BRINP3: variants seen among roughly 807,000 people sequenced by gnomAD.
The protein encoded by BRINP3 is BMP/retinoic acid-inducible neural-specific protein 3.
A neutral mutation model predicts 71.0 loss-of-function variants in BRINP3; 19 were observed. That is an observed-to-expected ratio of 0.27 (90% CI 0.19 to 0.39). The LOEUF is 0.39. BRINP3 is among the 10% of genes least tolerant of loss of function. The pLI is 1.00. For missense variants in BRINP3, 959 were observed against 940.8 expected, an observed-to-expected ratio of 1.02 and a Z score of -0.25; for synonymous variants, 380 against 337.7, an observed-to-expected ratio of 1.13 and a Z score of -1.37.
At chr1:190,473,764 T>A (rs955465511) in intron 1 of BRINP3, among the ~76,000 whole-genome samples, 3 of 122,438 alleles carry the variant, frequency 2.5e-5, no homozygotes, top group African/African-American at 8.6e-5. Flanking sequence ...AGAAAACCCA[T>A]AATTTTCTAT....
intron 2 of BRINP3, among the ~76,000 whole-genome samples, chr1:190,365,097 T>C (rs1669395673): frequency 6.6e-6 from 1 of 152,144 alleles, no homozygotes; most frequent in Admixed American, 6.6e-5. Context: ...CATTAAAAGA[T>C]ACTAACTACA....
At chr1:190,121,756 G>T (rs1653681062) in intron 7 of BRINP3, among the ~76,000 whole-genome samples, 2 of 151,998 alleles carry the variant, frequency 1.3e-5, no homozygotes, top group South Asian at 4.1e-4. Context: ...AGAAAAGAAA[G>T]CAGAGCTATT....
At chr1:190,399,142 C>T (rs1464610593) in intron 2 of BRINP3, among the ~76,000 whole-genome samples, 3 of 151,886 alleles carry the variant, frequency 2.0e-5, no homozygotes, top group Non-Finnish European at 2.9e-5. Flanking sequence ...ACAATATAAA[C>T]TAAATTCTAT....
At chr1:190,182,726 C>G (rs61690707) in intron 6 of BRINP3, among the ~76,000 whole-genome samples, 1 of 152,152 alleles carries the variant, frequency 6.6e-6, no homozygotes, top group African/African-American at 2.4e-5. Context: ...CTAGGCACAT[C>G]AGATAATATT....
chr1:190,244,156 C>T (rs1659365853), intron 4 of BRINP3, among the ~76,000 whole-genome samples: 1 of 151,968 alleles, frequency 6.6e-6, no homozygotes, highest in Non-Finnish European at 1.5e-5. Flanking sequence ...CCACTAAGTT[C>T]GTGGAAACAA....
intron 2 of BRINP3, among the ~76,000 whole-genome samples, chr1:190,384,956 C>G (rs917653412): frequency 6.6e-6 from 1 of 151,588 alleles, no homozygotes; most frequent in African/African-American, 2.4e-5. Flanking sequence ...CTGACAAAAA[C>G]AAGGAATGGG....
At chr1:190,468,815 A>T (rs1175942356) in intron 1 of BRINP3, among the ~76,000 whole-genome samples, 3 of 151,142 alleles carry the variant, frequency 2.0e-5, no homozygotes, top group Admixed American at 6.6e-5. Context: ...ATTTAATTTT[A>T]AAAAGGTGTA....
At chr1:190,446,555 T>A (rs559441555) in intron 2 of BRINP3, among the ~76,000 whole-genome samples, 9 of 152,142 alleles carry the variant, frequency 5.9e-5, no homozygotes, top group Non-Finnish European at 1.2e-4. Context: ...GAAGTAATTG[T>A]AAGTGATTTT....
At chr1:190,458,169 A>G (rs1676136350) in intron 1 of BRINP3, among the ~76,000 whole-genome samples, 1 of 152,024 alleles carries the variant, frequency 6.6e-6, no homozygotes, top group African/African-American at 2.4e-5. Flanking sequence ...GACTTTGGGA[A>G]CATGTTCCCC....
At chr1:190,268,207 G>T (rs1037331654) in intron 3 of BRINP3, among the ~76,000 whole-genome samples, 1 of 152,064 alleles carries the variant, frequency 6.6e-6, no homozygotes, top group African/African-American at 2.4e-5. Flanking sequence ...ATACATTTAT[G>T]AATAATTATA....
In BRINP3 at chr1:190,098,709, A is replaced by G; in HGVS notation, c.1610T>C (p.Leu537Ser). 8 of 1,614,200 alleles carry G rather than the reference A, an allele frequency of 5.0e-6. No individual in the cohort carries two copies. The highest frequency in any genetic ancestry group is 6.8e-6 in the Non-Finnish European group (8 of 1,180,048). ...PSWRKRMLLTLKSNKYKSSLV... is the reference protein window; with the variant it reads ...PSWRKRMLLTSKSNKYKSSLV... ...ACTTGACTTGTACTTATTGCTCTTC[A>G]AGGTGAGGAGCATCCGCTTACGCCA... The change falls in exon 8 of 8, where the codon TTG becomes TCG. Residue 537 changes from leucine to serine, a missense_variant. Transcript: ENST00000367462.
intron 6 of BRINP3, among the ~76,000 whole-genome samples, chr1:190,210,133 C>A (rs754509417): frequency 6.6e-6 from 1 of 152,024 alleles, no homozygotes; most frequent in Non-Finnish European, 1.5e-5. Context: ...GTATTGATAA[C>A]CCTTGTCATG....
chr1:190,196,803 A>G (rs1654521550), intron 6 of BRINP3, among the ~76,000 whole-genome samples: 1 of 151,950 alleles, frequency 6.6e-6, no homozygotes. Context: ...AATAAGGGTC[A>G]TCTATGAGTG....
In BRINP3 at chr1:190,365,888, A is replaced by T. The variant is rs1571871141; in HGVS notation, c.237-84138T>A. ...CCTGTCAAAATTTGAGAGATAAGAA[A>T]AAATATCTTTAAGAAATACAGGTGG... On this transcript the variant is annotated intron_variant, in intron 2 of 7. Coordinates refer to ENST00000367462, the MANE Select transcript of BRINP3 (RefSeq NM_199051.3). 1.3e-5 allele frequency among the ~76,000 whole-genome samples: 2 copies of T among 149,156 alleles called. 1 individual carries two copies. Among genetic ancestry groups the T allele is most frequent in the South Asian group, 4.2e-4 (2 of 4,740 alleles).
intron 2 of BRINP3, among the ~76,000 whole-genome samples, chr1:190,388,695 T>C (rs192585225): frequency 1.6e-4 from 25 of 151,938 alleles, no homozygotes; most frequent in South Asian, 4.1e-4. Flanking sequence ...TATGTTGTTT[T>C]ATGCCACCCA....
intron 2 of BRINP3, among the ~76,000 whole-genome samples, chr1:190,312,606 C>G (rs1032626977): frequency 3.3e-5 from 5 of 151,562 alleles, no homozygotes; most frequent in African/African-American, 1.2e-4. Flanking sequence ...CGCAGGCTTT[C>G]TTATGATTTT....
intron 2 of BRINP3, among the ~76,000 whole-genome samples, chr1:190,403,821 A>T (rs1044793552): frequency 6.6e-6 from 1 of 152,188 alleles, no homozygotes; most frequent in African/African-American, 2.4e-5. Flanking sequence ...CTACACACAC[A>T]CTGATTTCGA....
intron 2 of BRINP3, among the ~76,000 whole-genome samples, chr1:190,410,024 TTC>T (rs1299725138): frequency 1.3e-5 from 2 of 152,180 alleles, no homozygotes; most frequent in African/African-American, 4.8e-5. Flanking sequence ...TCCTTCCCTC[TTC>T]TTTTATTTCC....
chr1:190,248,001 C>T (rs1263092836), intron 4 of BRINP3, among the ~76,000 whole-genome samples: 1 of 151,826 alleles, frequency 6.6e-6, no homozygotes, highest in African/African-American at 2.4e-5. Flanking sequence ...ACAAAAGTAG[C>T]TCAATCCATC....
Sources: gnomAD v4.1 joint callset for allele counts (sites outside exome capture counted in the v4.1 genomes callset) on GRCh38, gnomAD v4.1.1 for gene constraint, MANE v1.5 for transcripts, NCBI Gene and HGNC (gene_info 2026-07-23, HGNC 2026-07-21) for gene names.